The following GALNT13 variants were observed in gnomAD, a reference collection of about 807,000 sequenced individuals.
The protein encoded by GALNT13 is polypeptide N-acetylgalactosaminyltransferase 13, also known as UDP-GalNAc:polypeptide N-acetylgalactosaminyltransferase 13.
Under a neutral mutation model 64.2 loss-of-function variants are expected in GALNT13, and 28 were observed. The ratio of observed to expected loss-of-function variants is 0.44; its 90% CI spans 0.32 to 0.60. The LOEUF is 0.60. GALNT13 is among the 20% of genes least tolerant of loss of function. The pLI is 0.05. For missense variants in GALNT13, 577 were observed against 669.8 expected (o/e 0.86, Z 1.53); for synonymous variants, 214 against 224.6 (o/e 0.95, Z 0.42).
chr2:153,513,974 T>C, the GALNT13 span, among the ~76,000 whole-genome samples: 1 of 152,206 alleles, frequency 6.6e-6, no homozygotes, highest in African/African-American at 2.4e-5. Context: ...TTCTAAAAGA[T>C]CTTTAACCTG....
At chr2:153,663,006 A>G in the GALNT13 span, among the ~76,000 whole-genome samples, 1 of 152,194 alleles carries the variant, frequency 6.6e-6, no homozygotes, top group African/African-American at 2.4e-5. Context: ...TTGTGAATGC[A>G]ACATACAGAA....
chr2:153,535,645 C>G, the GALNT13 span, among the ~76,000 whole-genome samples: 82 of 152,322 alleles, frequency 5.4e-4, no homozygotes, highest in Non-Finnish European at 8.5e-4. Flanking sequence ...GAGGACAGGT[C>G]TGACTTCTGA....
the GALNT13 span, among the ~76,000 whole-genome samples, chr2:153,770,131 A>G: frequency 6.6e-6 from 1 of 151,960 alleles, no homozygotes; most frequent in Non-Finnish European, 1.5e-5. Flanking sequence ...GCATTGTGAC[A>G]CTTTGTTTTT....
At chr2:153,980,493 G>A (rs1302558881) in intron 3 of GALNT13, among the ~76,000 whole-genome samples, 1 of 152,058 alleles carries the variant, frequency 6.6e-6, no homozygotes, top group Non-Finnish European at 1.5e-5. Flanking sequence ...TTTAGGAGGA[G>A]TAATAGGCAT....
the GALNT13 span, among the ~76,000 whole-genome samples, chr2:153,136,850 A>G: frequency 1.5e-5 from 1 of 66,348 alleles, no homozygotes; most frequent in South Asian, 4.1e-4. Context: ...TGTTTGCACC[A>G]CACACACACA....
chr2:154,365,018 A>C (rs1697289778), intron 9 of GALNT13, among the ~76,000 whole-genome samples: 2 of 152,174 alleles, frequency 1.3e-5, no homozygotes, highest in Admixed American at 1.3e-4. Flanking sequence ...TACTTTTTGC[A>C]AAAATATAAC....
chr2:153,494,800 G>A, the GALNT13 span, among the ~76,000 whole-genome samples: 2 of 151,886 alleles, frequency 1.3e-5, no homozygotes, highest in African/African-American at 2.4e-5. Context: ...GAAAACTTTA[G>A]CAAAACAAAA....
chr2:153,081,320 A>G, the GALNT13 span, among the ~76,000 whole-genome samples: 1 of 152,106 alleles, frequency 6.6e-6, no homozygotes, highest in African/African-American at 2.4e-5. Context: ...CATGATGGAG[A>G]TCAGGATGTC....
At chr2:153,345,649 T>G in the GALNT13 span, among the ~76,000 whole-genome samples, 3 of 130,124 alleles carry the variant, frequency 2.3e-5, no homozygotes, top group African/African-American at 8.9e-5. Context: ...CTTTCTTTCT[T>G]TCTTTCTTTC....
At chr2:153,962,689 A>G (rs960623898) in intron 3 of GALNT13, among the ~76,000 whole-genome samples, 2 of 152,204 alleles carry the variant, frequency 1.3e-5, no homozygotes, top group Non-Finnish European at 2.9e-5. Flanking sequence ...TATTATAAAA[A>G]GCTCCATTTT....
chr2:153,579,517 C>T, the GALNT13 span, among the ~76,000 whole-genome samples: 11 of 151,900 alleles, frequency 7.2e-5, no homozygotes, highest in Middle Eastern at 0.01. Flanking sequence ...ATAAAATAAC[C>T]ACACATTTGT....
At chr2:153,408,732 G>A in the GALNT13 span, among the ~76,000 whole-genome samples, 1 of 151,700 alleles carries the variant, frequency 6.6e-6, no homozygotes, top group Non-Finnish European at 1.5e-5. Context: ...AACTCATACT[G>A]ATTTGCTAAA....
the GALNT13 span, among the ~76,000 whole-genome samples, chr2:153,483,283 T>C: frequency 6.6e-6 from 1 of 151,986 alleles, no homozygotes; most frequent in Middle Eastern, 3.4e-3. Flanking sequence ...TTACTGTTCA[T>C]AACAGCATTG....
At chr2:154,418,455 C>A (rs1386753702) in intron 11 of GALNT13, among the ~76,000 whole-genome samples, 1 of 152,020 alleles carries the variant, frequency 6.6e-6, no homozygotes, top group Non-Finnish European at 1.5e-5. Flanking sequence ...AAAAGGGAAG[C>A]AGAGGGAGAA....
chr2:153,229,754 T>G, the GALNT13 span, among the ~76,000 whole-genome samples: 1 of 152,220 alleles, frequency 6.6e-6, no homozygotes, highest in Non-Finnish European at 1.5e-5. Context: ...ACTTGGCAAT[T>G]AAATTCCTTG....
At chr2:154,052,560 G>A (rs1699683483) in intron 3 of GALNT13, among the ~76,000 whole-genome samples, 1 of 151,736 alleles carries the variant, frequency 6.6e-6, no homozygotes, top group Admixed American at 6.6e-5. Context: ...AACTCCTTGA[G>A]GTGAGTGAGT....
At chr2:154,384,645 AT>A (rs1416613629) in intron 9 of GALNT13, among the ~76,000 whole-genome samples, 1 of 151,916 alleles carries the variant, frequency 6.6e-6, no homozygotes, top group Non-Finnish European at 1.5e-5. Context: ...AAGCAAAGGA[AT>A]TGATCAAGCA....
chr2:153,238,344 C>T, the GALNT13 span, among the ~76,000 whole-genome samples: 1 of 151,896 alleles, frequency 6.6e-6, no homozygotes, highest in African/African-American at 2.4e-5. Flanking sequence ...GATGTTATCC[C>T]ATTTGTCCAT....
chr2:153,593,933 G>A, the GALNT13 span, among the ~76,000 whole-genome samples: 1 of 151,972 alleles, frequency 6.6e-6, no homozygotes, highest in African/African-American at 2.4e-5. Context: ...TCCATGAAAA[G>A]GGCTTCTTTT....
Sources: gnomAD v4.1 joint callset for allele counts (sites outside exome capture counted in the v4.1 genomes callset) on GRCh38, gnomAD v4.1.1 for gene constraint, MANE v1.5 for transcripts, NCBI Gene and HGNC (gene_info 2026-07-23, HGNC 2026-07-21) for gene names.